The following RNF121 variants were observed in gnomAD, a reference collection of about 807,000 sequenced individuals.
RNF121 encodes ring finger protein 121.
Under a neutral mutation model 46.5 loss-of-function variants are expected in RNF121, and 21 were observed. The observed-to-expected ratio is 0.45, with a 90% CI of 0.32 to 0.65. RNF121 has a LOEUF of 0.65. Among genes scored for constraint, RNF121 ranks in the 30% least tolerant of loss-of-function variants. The pLI is 0.04. For synonymous variants in RNF121, 139 were observed against 144.7 expected, an observed-to-expected ratio of 0.96 and a Z score of 0.28; for missense variants, 346 against 416.0, an observed-to-expected ratio of 0.83 and a Z score of 1.46.
chr11:71,930,264 G>A (rs1447053290), intron 1 of RNF121, among the ~76,000 whole-genome samples: 1 of 152,178 alleles, frequency 6.6e-6, no homozygotes, highest in Non-Finnish European at 1.5e-5. Context: ...GATAGAACCA[G>A]TGAGATCTCT....
In RNF121 at chr11:71,960,881, G is replaced by A. The variant is rs764349418; in HGVS notation, c.233G>A (p.Arg78His). The A allele has an allele frequency of 4.3e-6, 7 of 1,613,774 alleles. No homozygotes were observed. The East Asian group carries it at 8.9e-5, about 21-fold the overall frequency. The change falls in exon 3 of 9, where the codon CGC (arginine) becomes CAC (histidine). Residue 78 changes from arginine (R) to histidine (H), a missense_variant. Transcript: ENST00000361756. ...LLVQWKQRHPRSYNMVTLFQM... is the reference protein window; with the variant it reads ...LLVQWKQRHPHSYNMVTLFQM... ...GTGCAGTGGAAGCAGAGGCACCCAC[G>A]CTCCTACAATGTAAGCCACTTTGCC...
Position 71,957,267 on chromosome 11 carries a change from A to G in RNF121, c.101+3A>G. On this transcript the variant is annotated splice_donor_region_variant and intron_variant, in intron 2 of 8. Transcript: ENST00000361756. ...CTCTCTCCAGAAGAGCAATGGAGGT[A>G]AGTGTGGTAGTTCGGGCCCTGCAGT... The G allele has an allele frequency of 6.3e-7, 1 of 1,590,870 alleles. No individual in the cohort carries two copies. Among genetic ancestry groups the G allele is most frequent in the East Asian group, 2.2e-5 (1 of 44,760 alleles).
At chr11:71,942,772 G>GTATATATATATATATATATA (rs1201537010) in intron 1 of RNF121, among the ~76,000 whole-genome samples, 7 of 18,968 alleles carry the variant, frequency 3.7e-4, no homozygotes, top group Admixed American at 1.6e-3. Context: ...CTATATATCT[G>GTATATATATATATATATATA]TATATATATA....
rs193295788 is a variant in RNF121, at chr11:71,933,269, T to A, written c.63+4145T>A. On this transcript the variant is annotated intron_variant, in intron 1 of 8. Transcript: ENST00000361756. The stretch of plus-strand genomic sequence containing the variant: ...TGGCTAGTGCCTGTGAATCTGGATG[T>A]GTCCACTCTCAAGTCCTATTTATCT... Among the ~76,000 whole-genome samples, 5 of 152,328 alleles carry A rather than the reference T, an allele frequency of 3.3e-5. No homozygotes were observed. The East Asian group carries it at 9.6e-4, about 29-fold the overall frequency.
chr11:71,936,004 C>T lies in RNF121; in HGVS notation c.63+6880C>T, dbSNP rs539837690. On this transcript the variant is annotated intron_variant, in intron 1 of 8. Coordinates refer to ENST00000361756, the MANE Select transcript of RNF121 (RefSeq NM_018320.5). Reference sequence around the variant, plus strand: ...CTGGGACTACAGGTGTGTGCCACCACGCCCGGCTACTTTTTTGTATTTTTA... The same window carrying T: ...CTGGGACTACAGGTGTGTGCCACCATGCCCGGCTACTTTTTTGTATTTTTA... 1.5e-4 allele frequency among the ~76,000 whole-genome samples: 22 copies of T among 151,710 alleles called. No individual in the cohort carries two copies. The South Asian group carries it at 3.8e-3, about 26-fold the overall frequency.
intron 1 of RNF121, among the ~76,000 whole-genome samples, chr11:71,947,185 T>C (rs993455760): frequency 6.6e-6 from 1 of 152,012 alleles, no homozygotes; most frequent in Non-Finnish European, 1.5e-5. Context: ...ATTTTAAATA[T>C]ACTAACAATA....
intron 1 of RNF121, among the ~76,000 whole-genome samples, chr11:71,955,849 A>C (rs1475436457): frequency 1.3e-5 from 2 of 152,106 alleles, no homozygotes; most frequent in Non-Finnish European, 2.9e-5. Context: ...TCCTTCTGGG[A>C]GATGAAGGCC....
chr11:71,994,291 G>A (rs1223402061), intron 6 of RNF121, among the ~76,000 whole-genome samples: 1 of 152,080 alleles, frequency 6.6e-6, no homozygotes, highest in Non-Finnish European at 1.5e-5. Context: ...AAACCAACAT[G>A]GCACTTAATA....
intron 6 of RNF121, among the ~76,000 whole-genome samples, chr11:71,992,920 C>T (rs1954892218): frequency 6.6e-6 from 1 of 152,202 alleles, no homozygotes; most frequent in East Asian, 1.9e-4. Context: ...TTAAACAACA[C>T]AGAAGTGCTC....
intron 1 of RNF121, among the ~76,000 whole-genome samples, chr11:71,945,235 T>G (rs1465647308): frequency 6.6e-6 from 1 of 152,210 alleles, no homozygotes; most frequent in African/African-American, 2.4e-5. Flanking sequence ...GTGATCCTCC[T>G]GCCTCGGGCT....
chr11:71,929,377 G>C (rs1001654109), intron 1 of RNF121, among the ~76,000 whole-genome samples: 1 of 151,882 alleles, frequency 6.6e-6, no homozygotes, highest in Non-Finnish European at 1.5e-5. Context: ...TCGGAGGGGT[G>C]GGGGTGTTAA....
chr11:71,963,106 T>C (rs1321727350), intron 3 of RNF121, among the ~76,000 whole-genome samples: 2 of 152,242 alleles, frequency 1.3e-5, no homozygotes, highest in East Asian at 1.9e-4. Context: ...ATCTGGATAA[T>C]AGACCATTAT....
At chr11:71,990,549 A>C (rs774327551) in intron 5 of RNF121, 48 bp from the exon 6 acceptor site, 2 of 1,603,598 alleles carry the variant, frequency 1.2e-6, no homozygotes, top group South Asian at 2.2e-5. Context: ...AATCCATAGA[A>C]GATATGTCTC....
intron 3 of RNF121, among the ~76,000 whole-genome samples, chr11:71,982,084 G>C (rs1478086633): frequency 6.6e-6 from 1 of 152,178 alleles, no homozygotes; most frequent in Non-Finnish European, 1.5e-5. Context: ...TAAAGGCCTG[G>C]GGAGTGGTAG....
chr11:71,984,187 AAG>A (rs1384211450), intron 4 of RNF121, among the ~76,000 whole-genome samples: 1 of 152,282 alleles, frequency 6.6e-6, no homozygotes, highest in African/African-American at 2.4e-5. Flanking sequence ...AGAACAATGT[AAG>A]AGTCACCAAG....
intron 3 of RNF121, among the ~76,000 whole-genome samples, chr11:71,973,107 A>T (rs1320765718): frequency 6.6e-6 from 1 of 151,834 alleles, no homozygotes; most frequent in East Asian, 1.9e-4. Context: ...AATCGCTTGA[A>T]TCCAAGAGGC....
chr11:71,990,743 C>T lies in RNF121; in HGVS notation c.627+26C>T, dbSNP rs372586776. The T allele has an allele frequency of 1.9e-6, 3 of 1,612,056 alleles. No homozygotes were observed. In the African/African-American group the frequency reaches 4.0e-5, roughly 22 times the overall value. ...GTAAGTTCATCCGGGTTCTTAAATA[C>T]TGCTTCTTGACACCTCCAAATTGCT... On this transcript the variant is annotated intron_variant, in intron 6 of 8. Transcript: ENST00000361756.
chr11:71,940,757 A>G (rs1395068359), intron 1 of RNF121, among the ~76,000 whole-genome samples: 1 of 152,248 alleles, frequency 6.6e-6, no homozygotes, highest in Non-Finnish European at 1.5e-5. Context: ...TGGTTGTAGT[A>G]TAGTGTCAGC....
chr11:71,996,051 C>G, intron 8 of RNF121, 144 bp from the exon 9 acceptor site: 1 of 969,416 alleles, frequency 1.0e-6, no homozygotes, highest in Non-Finnish European at 1.5e-6. Flanking sequence ...GGAAGTGAGG[C>G]TGGGCCCTTC....
Sources: allele counts gnomAD v4.1 joint callset (sites outside exome capture counted in the v4.1 genomes callset), GRCh38; gene constraint gnomAD v4.1.1; transcripts MANE v1.5; gene names NCBI Gene and HGNC (gene_info 2026-07-23, HGNC 2026-07-21).